The following ADGRB3 variants were observed in gnomAD, a reference collection of about 807,000 sequenced individuals.
ADGRB3 encodes adhesion G protein-coupled receptor B3, also known as brain-specific angiogenesis inhibitor 3.
Under a neutral mutation model 193.4 loss-of-function variants are expected in ADGRB3, and 37 were observed. The ratio of observed to expected loss-of-function variants is 0.19; its 90% CI spans 0.15 to 0.25. ADGRB3 has a LOEUF of 0.25. ADGRB3 is among the 10% of genes least tolerant of loss of function. ADGRB3 has a pLI of 1.00. For synonymous variants in ADGRB3, 690 were observed against 644.2 expected, an observed-to-expected ratio of 1.07 and a Z score of -1.08; for missense variants, 1,637 against 1,852.9, an observed-to-expected ratio of 0.88 and a Z score of 2.14.
chr6:68,815,638 TGTGC>T (rs1767618805), intron 3 of ADGRB3, among the ~76,000 whole-genome samples: 1 of 149,408 alleles, frequency 6.7e-6, no homozygotes, highest in Admixed American at 6.7e-5. Context: ...TGTGTGTGTG[TGTGC>T]ATGTAGATCT....
At chr6:68,646,248 G>A (rs1381390236) in intron 3 of ADGRB3, among the ~76,000 whole-genome samples, 19 of 151,818 alleles carry the variant, frequency 1.3e-4, no homozygotes, top group South Asian at 4.2e-4. Flanking sequence ...AGGCCGAGGC[G>A]GGTGGATCAC....
chr6:68,741,066 G>A (rs1395896429), intron 3 of ADGRB3, among the ~76,000 whole-genome samples: 1 of 152,060 alleles, frequency 6.6e-6, no homozygotes, highest in South Asian at 2.1e-4. Context: ...ATGGAAGTTG[G>A]TGAAAAACCA....
intron 8 of ADGRB3, among the ~76,000 whole-genome samples, chr6:68,958,200 C>T (rs533885579): frequency 1.2e-4 from 18 of 147,984 alleles, no homozygotes; most frequent in South Asian, 2.1e-4. Flanking sequence ...GACTCTGTCT[C>T]GAAAAAAAAA....
At chr6:68,917,750 C>G (rs1050605113) in intron 3 of ADGRB3, among the ~76,000 whole-genome samples, 2 of 152,122 alleles carry the variant, frequency 1.3e-5, no homozygotes, top group African/African-American at 2.4e-5. Flanking sequence ...ATGTTCTGAG[C>G]ACCTTTCTTT....
intron 17 of ADGRB3, among the ~76,000 whole-genome samples, chr6:69,162,807 G>A (rs1382976561): frequency 6.6e-6 from 1 of 152,028 alleles, no homozygotes; most frequent in Admixed American, 6.6e-5. Context: ...TTTTGCATGG[G>A]AGTACATGGT....
chr6:69,098,094 A>G lies in ADGRB3; in HGVS notation c.2480+22056A>G, dbSNP rs143422169. Among the ~76,000 whole-genome samples, 266 of 152,330 alleles carry G rather than the reference A, an allele frequency of 1.7e-3. 3 individuals are homozygous for G. Among genetic ancestry groups the G allele is most frequent in the African/African-American group, 6.0e-3 (249 of 41,588 alleles). ...CTGATTCTCTGTTTCACTCTGTGAC[A>G]CACACATAAAACCAATTAAAATAGT... On this transcript the variant is annotated intron_variant, in intron 17 of 31. Transcript: ENST00000370598.
At chr6:69,340,427 T>G (rs1404412929) in intron 26 of ADGRB3, among the ~76,000 whole-genome samples, 1 of 152,152 alleles carries the variant, frequency 6.6e-6, no homozygotes, top group Admixed American at 6.5e-5. Flanking sequence ...CTAGTCACTT[T>G]GAGAAAACAG....
intron 3 of ADGRB3, among the ~76,000 whole-genome samples, chr6:68,700,360 T>TTTA (rs1765222539): frequency 6.6e-6 from 1 of 151,026 alleles, no homozygotes; most frequent in East Asian, 2.0e-4. Flanking sequence ...TCAAAACACC[T>TTTA]TTTTTTTTCT....
At position 69,040,357 on chromosome 6, in the gene ADGRB3, CTTTCTTTCTTTCTTTCTTTCCT is replaced by C. The variant is rs1339639616; in HGVS notation, c.2108-7826_2108-7805del. 7.0e-3 allele frequency among the ~76,000 whole-genome samples: 440 copies of C among 63,220 alleles called. 5 individuals are homozygous for C. The highest frequency in any genetic ancestry group is 0.045 in the South Asian group (58 of 1,294). The allele number at this position is 63,220 out of a possible 152,430, so 41.5% of individuals were successfully genotyped here. ...TCTTTCTTTCTTTCTTTCTTTCTTTCTTTCTTTCTTTCTTTCTTTCCTTCTCTCTCTTTCTTTCCTTCACGCA... is the reference window on the plus strand; with the variant it reads ...TCTTTCTTTCTTTCTTTCTTTCTTTCTCTCTCTCTTTCTTTCCTTCACGCA... On this transcript the variant is annotated intron_variant, in intron 13 of 31. Transcript: ENST00000370598.
Position 69,339,417 on chromosome 6 carries a change from C to T in ADGRB3, c.3372C>T (p.Arg1124=), listed in dbSNP as rs1768928373. 1.2e-6 allele frequency: 2 copies of T among 1,614,008 alleles called. No individual in the cohort carries two copies. The highest frequency in any genetic ancestry group is 1.7e-6 in the Non-Finnish European group (2 of 1,179,940). The part of the protein sequence containing the change: ...MSAVLAMTDK[R]SILFQILFAV... ...CGGTTCTGGCCATGACAGATAAACG[C>T]TCCATATTGTTTCAAATACTTTTTG... is the stretch of plus-strand genomic sequence containing the variant. The change falls in exon 26 of 32, where the codon CGC becomes CGT. Residue 1124 remains arginine (R), a synonymous_variant. Coordinates refer to ENST00000370598, the MANE Select transcript of ADGRB3 (RefSeq NM_001704.3).
At chr6:69,022,703 C>G (rs1209335606) in intron 13 of ADGRB3, among the ~76,000 whole-genome samples, 1 of 151,914 alleles carries the variant, frequency 6.6e-6, no homozygotes. Flanking sequence ...TAAATCTAAA[C>G]TCATGGCTTG....
intron 3 of ADGRB3, among the ~76,000 whole-genome samples, chr6:68,665,428 A>C (rs1300550521): frequency 6.6e-6 from 1 of 151,868 alleles, no homozygotes; most frequent in Admixed American, 6.6e-5. Flanking sequence ...TCCAAAATAT[A>C]TTCCTCAAAA....
At chr6:68,652,476 C>T (rs1768389523) in intron 3 of ADGRB3, among the ~76,000 whole-genome samples, 1 of 152,140 alleles carries the variant, frequency 6.6e-6, no homozygotes, top group Non-Finnish European at 1.5e-5. Context: ...CACCACATTT[C>T]TCCATCTTTC....
chr6:69,276,261 C>T (rs1212024175), intron 20 of ADGRB3, among the ~76,000 whole-genome samples: 1 of 152,160 alleles, frequency 6.6e-6, no homozygotes, highest in Non-Finnish European at 1.5e-5. Context: ...GAAATTTGAA[C>T]CATGTTAATC....
intron 3 of ADGRB3, among the ~76,000 whole-genome samples, chr6:68,910,369 T>A (rs1766666584): frequency 6.6e-6 from 1 of 152,204 alleles, no homozygotes; most frequent in African/African-American, 2.4e-5. Flanking sequence ...CTGTTCACTC[T>A]GATGGTAGTT....
chr6:68,948,160 C>T (rs1352962639), intron 6 of ADGRB3, among the ~76,000 whole-genome samples: 1 of 152,130 alleles, frequency 6.6e-6, no homozygotes, highest in Non-Finnish European at 1.5e-5. Flanking sequence ...ACTATATTAG[C>T]TGAGAAAGAA....
At chr6:68,918,560 T>C (rs1436098211) in intron 3 of ADGRB3, among the ~76,000 whole-genome samples, 1 of 152,226 alleles carries the variant, frequency 6.6e-6, no homozygotes, top group African/African-American at 2.4e-5. Flanking sequence ...AACTTATCTT[T>C]AATTTAGTAT....
chr6:68,893,586 A>G (rs1766139694), intron 3 of ADGRB3, among the ~76,000 whole-genome samples: 1 of 151,772 alleles, frequency 6.6e-6, no homozygotes. Flanking sequence ...GAATGATTTA[A>G]AAAGAAAAAA....
intron 3 of ADGRB3, among the ~76,000 whole-genome samples, chr6:68,811,453 A>G (rs1221983859): frequency 1.3e-5 from 2 of 152,060 alleles, no homozygotes; most frequent in Non-Finnish European, 2.9e-5. Flanking sequence ...TTAATGAGGT[A>G]GATGATTCTT....
Sources: gnomAD v4.1 joint callset for allele counts (sites outside exome capture counted in the v4.1 genomes callset) on GRCh38, gnomAD v4.1.1 for gene constraint, MANE v1.5 for transcripts, NCBI Gene and HGNC (gene_info 2026-07-23, HGNC 2026-07-21) for gene names.